SIK2: variants seen among roughly 807,000 people sequenced by gnomAD.
SIK2 encodes serine/threonine-protein kinase SIK2.
In SIK2, 29 loss-of-function variants were observed where a neutral mutation model predicts 103.2. The ratio of observed to expected loss-of-function variants is 0.28; its 90% CI spans 0.21 to 0.38. SIK2 has a LOEUF of 0.38. SIK2 is among the 10% of genes least tolerant of loss of function. SIK2 has a pLI of 1.00. For synonymous variants in SIK2, 412 were observed against 446.1 expected (o/e 0.92, Z 0.96); for missense variants, 879 against 1,171.0 (o/e 0.75, Z 3.64).
rs557024176 is a variant in SIK2, at chr11:111,729,302, G to C, written c.*5173G>C. 6.6e-6 allele frequency: 1 copy of C among 152,280 alleles called. No individual in the cohort carries two copies. Among genetic ancestry groups the C allele is most frequent in the African/African-American group, 2.4e-5 (1 of 41,454 alleles). 9.4% of individuals were successfully genotyped at this position (152,280 alleles called of 1,614,324 possible). A position where few individuals can be genotyped will look rare whatever the true frequency, so the allele number is the denominator to read the frequency against. ...AGAGAACCAGGCGGCAGCAGTGCTCGCAGACCCACCCAGGGAGAGCTGTGA... is the reference window on the plus strand; with the variant it reads ...AGAGAACCAGGCGGCAGCAGTGCTCCCAGACCCACCCAGGGAGAGCTGTGA... On this transcript the variant is annotated 3_prime_UTR_variant, in exon 15 of 15. Coordinates refer to ENST00000304987, the MANE Select transcript of SIK2 (RefSeq NM_015191.3).
chr11:111,626,410 C>T (rs1411289270), intron 3 of SIK2, among the ~76,000 whole-genome samples: 3 of 150,662 alleles, frequency 2.0e-5, no homozygotes, highest in Non-Finnish European at 3.0e-5. Context: ...TCTCTCTTTT[C>T]CCTTACTTGG....
chr11:111,687,001 T>C (rs1254193473), intron 3 of SIK2, among the ~76,000 whole-genome samples: 1 of 152,240 alleles, frequency 6.6e-6, no homozygotes, highest in Non-Finnish European at 1.5e-5. Flanking sequence ...TCAGAAAAGA[T>C]GTCTTTCTGT....
rs1943985018 is a variant in SIK2, at chr11:111,726,877, G to A, written c.*2748G>A. 2 of 1,216,142 alleles carry A rather than the reference G, an allele frequency of 1.6e-6. No homozygotes were observed. The highest frequency in any genetic ancestry group is 1.9e-5 in the Admixed American group (1 of 51,722). 75.3% of individuals were successfully genotyped at this position (1,216,142 alleles called of 1,614,324 possible). On this transcript the variant is annotated 3_prime_UTR_variant, in exon 15 of 15. Coordinates refer to ENST00000304987, the MANE Select transcript of SIK2 (RefSeq NM_015191.3). The stretch of plus-strand genomic sequence containing the variant: ...GGCTCCTCTGAAGAGACTTTGGTGA[G>A]ATGAACGTGAGGTAAAAATTTCGTT...
At chr11:111,615,078 G>T (rs918378386) in intron 1 of SIK2, among the ~76,000 whole-genome samples, 1 of 151,872 alleles carries the variant, frequency 6.6e-6, no homozygotes, top group African/African-American at 2.4e-5. Context: ...GGCGGAGGTT[G>T]CAGTGAGCCA....
Position 111,728,909 on chromosome 11 carries a change from G to C in SIK2, c.*4780G>C, listed in dbSNP as rs1453522834. On this transcript the variant is annotated 3_prime_UTR_variant, in exon 15 of 15. Coordinates refer to ENST00000304987, the MANE Select transcript of SIK2 (RefSeq NM_015191.3). ...ACTGCACTCCAGCCTGGGCGACAGA[G>C]CAAGACTCCACCTCAAAAAAAAAAA... The C allele has an allele frequency of 2.1e-5, 3 of 146,016 alleles. No homozygotes were observed. The highest frequency in any genetic ancestry group is 1.4e-4 in the Admixed American group (2 of 14,652). 9.0% of individuals were successfully genotyped at this position (146,016 alleles called of 1,614,324 possible).
chr11:111,721,833 G>A lies in SIK2; in HGVS notation c.1948G>A (p.Glu650Lys). The change falls in exon 13 of 15, where the codon GAA (glutamate) becomes AAA (lysine). Residue 650 changes from glutamate (E) to lysine (K), a missense_variant. Around this residue, in one of 7 missense-constraint regions of SIK2, gnomAD observed 375 missense variants for 416.3 expected, o/e 0.90. Coordinates refer to ENST00000304987, the MANE Select transcript of SIK2 (RefSeq NM_015191.3). The part of the protein sequence containing the change: ...QDLASSCPQE[E>K]VSQQQESVST... ...TTTCCACCCCCTTGCTCCTCAGGAA[G>A]AAGTTTCTCAGCAGCAGGAAAGCGT... The A allele has an allele frequency of 6.2e-7, 1 of 1,606,262 alleles. No individual in the cohort carries two copies.
At chr11:111,637,938 T>G (rs1022016928) in intron 3 of SIK2, among the ~76,000 whole-genome samples, 12 of 152,336 alleles carry the variant, frequency 7.9e-5, no homozygotes, top group South Asian at 2.1e-4. Context: ...TGTTAGAGTT[T>G]ATTTAGGTGA....
intron 3 of SIK2, among the ~76,000 whole-genome samples, chr11:111,635,363 G>T (rs1412759736): frequency 6.9e-6 from 1 of 144,602 alleles, no homozygotes; most frequent in Non-Finnish European, 1.5e-5. Context: ...AAGAGAAAGA[G>T]AAAAGAGAAG....
At position 111,652,917 on chromosome 11, in the gene SIK2, T is replaced by C. The variant is rs180739797; in HGVS notation, c.316+32515T>C. On this transcript the variant is annotated intron_variant, in intron 3 of 14. Coordinates refer to ENST00000304987, the MANE Select transcript of SIK2 (RefSeq NM_015191.3). ...TTTAAAAACCCATGTTCTTAACCATTATAATGGTGTTTCTCAAAGTATGTT... is the reference window on the plus strand; with the variant it reads ...TTTAAAAACCCATGTTCTTAACCATCATAATGGTGTTTCTCAAAGTATGTT... Among the ~76,000 whole-genome samples, 1,016 of 152,370 alleles carry C rather than the reference T, an allele frequency of 6.7e-3. 8 individuals carry two copies. Among genetic ancestry groups the C allele is most frequent in the Middle Eastern group, 0.061 (18 of 294 alleles).
intron 1 of SIK2, among the ~76,000 whole-genome samples, chr11:111,615,625 A>G (rs1207657652): frequency 1.3e-5 from 2 of 152,194 alleles, no homozygotes; most frequent in African/African-American, 4.8e-5. Context: ...TCTAGTTATA[A>G]CAGAATGAAG....
chr11:111,643,936 T>C (rs1942217248), intron 3 of SIK2, among the ~76,000 whole-genome samples: 2 of 151,954 alleles, frequency 1.3e-5, no homozygotes, highest in Middle Eastern at 3.2e-3. Context: ...TGAGCTGTGA[T>C]TGTGCCACTG....
Position 111,633,855 on chromosome 11 carries a change from G to T in SIK2, c.316+13453G>T, listed in dbSNP as rs74994761. On this transcript the variant is annotated intron_variant, in intron 3 of 14. Transcript: ENST00000304987. ...GGAATATGGAATGGCAAATGAATTTGCTTAAGAGTCCTTGGGTTATTTATG... is the reference window on the plus strand; with the variant it reads ...GGAATATGGAATGGCAAATGAATTTTCTTAAGAGTCCTTGGGTTATTTATG... 6.6e-3 allele frequency among the ~76,000 whole-genome samples: 1,001 copies of T among 152,268 alleles called. 13 individuals carry two copies. Among genetic ancestry groups the T allele is most frequent in the African/African-American group, 0.023 (958 of 41,556 alleles).
chr11:111,670,123 T>C (rs1942605484), intron 3 of SIK2, among the ~76,000 whole-genome samples: 1 of 152,212 alleles, frequency 6.6e-6, no homozygotes. Flanking sequence ...CCCACTGATC[T>C]ATCCAACACT....
chr11:111,628,804 AT>A (rs1162667954), intron 3 of SIK2, among the ~76,000 whole-genome samples: 4 of 151,332 alleles, frequency 2.6e-5, no homozygotes, highest in Non-Finnish European at 4.4e-5. Flanking sequence ...GTATTTCTGG[AT>A]TTTTTTTTCT....
intron 3 of SIK2, among the ~76,000 whole-genome samples, chr11:111,644,826 A>G (rs1942234388): frequency 1.3e-5 from 2 of 152,234 alleles, no homozygotes; most frequent in South Asian, 4.1e-4. Context: ...TTTTATATAT[A>G]ACATAAGCAT....
intron 3 of SIK2, among the ~76,000 whole-genome samples, chr11:111,622,144 A>G (rs1022211965): frequency 6.6e-6 from 1 of 151,728 alleles, no homozygotes; most frequent in Non-Finnish European, 1.5e-5. Flanking sequence ...ATATTTTTTG[A>G]AAATTGCATC....
Position 111,726,819 on chromosome 11 carries a change from G to A in SIK2, c.*2690G>A, listed in dbSNP as rs1281823964. On this transcript the variant is annotated 3_prime_UTR_variant, in exon 15 of 15. Coordinates refer to ENST00000304987, the MANE Select transcript of SIK2 (RefSeq NM_015191.3). The stretch of plus-strand genomic sequence containing the variant: ...TCACGTTAGCAGTGTGTACACTACT[G>A]TATCATCATCAGCTTCATCACCCTG... 5.0e-5 allele frequency: 35 copies of A among 704,556 alleles called. No individual in the cohort carries two copies. The highest frequency in any genetic ancestry group is 3.8e-4 in the Middle Eastern group (1 of 2,640). 43.6% of individuals were successfully genotyped at this position (704,556 alleles called of 1,614,324 possible). A position where few individuals can be genotyped will look rare whatever the true frequency, so the allele number is the denominator to read the frequency against.
chr11:111,658,626 C>G (rs1382237570), intron 3 of SIK2, among the ~76,000 whole-genome samples: 1 of 151,986 alleles, frequency 6.6e-6, no homozygotes, highest in African/African-American at 2.4e-5. Context: ...GCCTGTAGTC[C>G]TAGCTACTCA....
At position 111,640,722 on chromosome 11, in the gene SIK2, ATTTTTTTT is replaced by A. The variant is rs58052684; in HGVS notation, c.316+20343_316+20350del. ...TTTAGAAAGTCAGAAGAAACAGGCA[ATTTTTTTT>A]TTTTTTTTTTTTTTTTTTTTTTGAG... On this transcript the variant is annotated intron_variant, in intron 3 of 14. Coordinates refer to ENST00000304987, the MANE Select transcript of SIK2 (RefSeq NM_015191.3). 2.6e-4 allele frequency among the ~76,000 whole-genome samples: 17 copies of A among 65,908 alleles called. 1 individual carries two copies. Among genetic ancestry groups the A allele is most frequent in the Admixed American group, 9.6e-4 (4 of 4,174 alleles). The allele number at this position is 65,908 out of a possible 152,430, so 43.2% of individuals were successfully genotyped here. A position where few individuals can be genotyped will look rare whatever the true frequency, so the allele number is the denominator to read the frequency against.
Sources: allele counts gnomAD v4.1 joint callset (sites outside exome capture counted in the v4.1 genomes callset), GRCh38; gene constraint gnomAD v4.1.1; regional missense constraint gnomAD v4.1.1; transcripts MANE v1.5; gene names NCBI Gene and HGNC (gene_info 2026-07-23, HGNC 2026-07-21).